PAQR5: variants seen among roughly 807,000 people sequenced by gnomAD.
PAQR5 encodes membrane progestin receptor gamma.
Under a neutral mutation model 34.5 loss-of-function variants are expected in PAQR5, and 20 were observed. That is an observed-to-expected ratio of 0.58 (90% CI 0.41 to 0.84). The LOEUF is 0.84. Ranked by LOEUF, PAQR5 falls within the 40% of genes least tolerant of loss-of-function variation. PAQR5 has a pLI of 0.00. For missense variants in PAQR5, 378 were observed against 412.7 expected, an observed-to-expected ratio of 0.92 and a Z score of 0.73; for synonymous variants, 131 against 155.6, an observed-to-expected ratio of 0.84 and a Z score of 1.18.
intron 1 of PAQR5, among the ~76,000 whole-genome samples, chr15:69,306,690 A>G (rs1237891206): frequency 2.0e-5 from 3 of 152,072 alleles, no homozygotes; most frequent in Non-Finnish European, 4.4e-5. Flanking sequence ...GGTGTGAGCC[A>G]CCGCCCCCCG....
At chr15:69,299,257 A>C (rs1468876883) in intron 1 of PAQR5, among the ~76,000 whole-genome samples, 1 of 152,066 alleles carries the variant, frequency 6.6e-6, no homozygotes, top group Non-Finnish European at 1.5e-5. Context: ...CTTTCACCGC[A>C]CGCGGGGCCG....
chr15:69,303,183 A>G (rs956596321), intron 1 of PAQR5, among the ~76,000 whole-genome samples: 1 of 152,148 alleles, frequency 6.6e-6, no homozygotes, highest in African/African-American at 2.4e-5. Context: ...GGAGACTGAG[A>G]CCCAGAGGCG....
chr15:69,322,032 A>C (rs1426391879), intron 1 of PAQR5, among the ~76,000 whole-genome samples: 3 of 152,194 alleles, frequency 2.0e-5, no homozygotes, highest in African/African-American at 7.2e-5. Flanking sequence ...ATTTGCGTTT[A>C]GCCATAACAA....
intron 1 of PAQR5, among the ~76,000 whole-genome samples, chr15:69,336,884 A>G (rs1354103789): frequency 6.6e-6 from 1 of 152,230 alleles, no homozygotes; most frequent in Non-Finnish European, 1.5e-5. Context: ...AAATTGTTGT[A>G]TGCCACAGAA....
At chr15:69,313,749 C>G (rs537554568) in intron 1 of PAQR5, among the ~76,000 whole-genome samples, 7 of 152,106 alleles carry the variant, frequency 4.6e-5, no homozygotes, top group Admixed American at 2.6e-4. Flanking sequence ...CAGTGGATGG[C>G]GACTGGTCAC....
intron 2 of PAQR5, among the ~76,000 whole-genome samples, chr15:69,339,597 C>T (rs2140722170): frequency 6.6e-6 from 1 of 152,130 alleles, no homozygotes; most frequent in East Asian, 1.9e-4. Context: ...CTCAGCTTCC[C>T]AAGTAACTGG....
chr15:69,390,448 C>T (rs1162681379), intron 6 of PAQR5, among the ~76,000 whole-genome samples: 1 of 151,048 alleles, frequency 6.6e-6, no homozygotes, highest in Non-Finnish European at 1.5e-5. Flanking sequence ...TTCCTGGGCT[C>T]GTCTGCTGCA....
chr15:69,371,720 G>A (rs2055568028), intron 3 of PAQR5, among the ~76,000 whole-genome samples: 1 of 151,966 alleles, frequency 6.6e-6, no homozygotes, highest in African/African-American at 2.4e-5. Flanking sequence ...TTTTATGTGC[G>A]ACTCCTTTGG....
intron 1 of PAQR5, among the ~76,000 whole-genome samples, chr15:69,312,219 G>A (rs922725550): frequency 2.0e-5 from 3 of 152,092 alleles, no homozygotes; most frequent in African/African-American, 7.2e-5. Context: ...GAGGAGGCAG[G>A]GGCGAGAGGG....
intron 7 of PAQR5, 96 bp from the exon 8 acceptor site, chr15:69,399,878 A>C: frequency 7.8e-7 from 1 of 1,286,032 alleles, no homozygotes; most frequent in African/African-American, 1.5e-5. Context: ...TGTGGGTGTC[A>C]GAGCCCCCAA....
At chr15:69,355,292 CTTTCTTT>C (rs2055029002) in intron 2 of PAQR5, among the ~76,000 whole-genome samples, 1 of 110,424 alleles carries the variant, frequency 9.1e-6, no homozygotes, top group Non-Finnish European at 1.8e-5. Context: ...TCTTTCTTTT[CTTTCTTT>C]CTTTCTTTCT....
intron 3 of PAQR5, among the ~76,000 whole-genome samples, chr15:69,367,557 C>T (rs866714259): frequency 6.6e-6 from 1 of 152,196 alleles, no homozygotes; most frequent in Non-Finnish European, 1.5e-5. Flanking sequence ...GTGCAGCCTC[C>T]AAGGTCATCC....
chr15:69,328,588 T>A (rs1401985154), intron 1 of PAQR5, among the ~76,000 whole-genome samples: 1 of 151,900 alleles, frequency 6.6e-6, no homozygotes, highest in Non-Finnish European at 1.5e-5. Flanking sequence ...GGGGCAGGCC[T>A]GCAGCCTGGC....
At chr15:69,335,921 T>C (rs770918936) in intron 1 of PAQR5, among the ~76,000 whole-genome samples, 15 of 152,230 alleles carry the variant, frequency 9.9e-5, no homozygotes, top group Non-Finnish European at 1.8e-4. Flanking sequence ...ACATTAAAGA[T>C]GCACTAATGC....
intron 4 of PAQR5, among the ~76,000 whole-genome samples, chr15:69,383,628 G>A (rs1449920476): frequency 7.8e-6 from 1 of 128,972 alleles, no homozygotes; most frequent in Admixed American, 7.4e-5. Flanking sequence ...GGTGGAGGGT[G>A]AGTGGCCCTC....
chr15:69,389,871 C>A, intron 6 of PAQR5, 91 bp downstream of exon 6: 2 of 1,467,764 alleles, frequency 1.4e-6, no homozygotes. Flanking sequence ...AAGAGGTGGG[C>A]TCAATGGAAA....
Position 69,385,517 on chromosome 15 carries a change from G to A in PAQR5, c.385+635G>A, listed in dbSNP as rs898826938. Among the ~76,000 whole-genome samples the A allele has an allele frequency of 6.6e-6, 1 of 152,044 alleles. No homozygotes were observed. The highest frequency in any genetic ancestry group is 2.4e-5 in the African/African-American group (1 of 41,370). On this transcript the variant is annotated intron_variant, in intron 5 of 8. Coordinates refer to ENST00000395407, the MANE Select transcript of PAQR5 (RefSeq NM_017705.4). The surrounding 1 kb of genome is among the most constrained non-coding windows in gnomAD (Gnocchi z 4.7). ...TCAGCAACCTAAGCTGGTGAAATTC[G>A]GTGCTGACCGCCCCCTCTTCCTTGT...
chr15:69,300,641 CTTTCTTTCT>C (rs1485768690), intron 1 of PAQR5, among the ~76,000 whole-genome samples: 6 of 35,052 alleles, frequency 1.7e-4, no homozygotes, highest in African/African-American at 4.8e-4. Flanking sequence ...TTCTTTCTTT[CTTTCTTTCT>C]TTTCTTTCTT....
At chr15:69,302,701 C>A (rs2053631133) in intron 1 of PAQR5, among the ~76,000 whole-genome samples, 1 of 152,152 alleles carries the variant, frequency 6.6e-6, no homozygotes, top group East Asian at 1.9e-4. Context: ...GGCCAGCACA[C>A]CTGGGGTTAG....
Sources: allele counts gnomAD v4.1 joint callset (sites outside exome capture counted in the v4.1 genomes callset), GRCh38; gene constraint gnomAD v4.1.1; non-coding constraint Gnocchi (gnomAD v3.1); transcripts MANE v1.5; gene names NCBI Gene and HGNC (gene_info 2026-07-23, HGNC 2026-07-21).